PCBP3: variants seen among roughly 807,000 people sequenced by gnomAD.
PCBP3 encodes the protein poly(rC) binding protein 3.
Under a neutral mutation model 52.7 loss-of-function variants are expected in PCBP3, and 25 were observed. The observed-to-expected ratio is 0.47, with a 90% CI of 0.35 to 0.66. PCBP3 has a LOEUF of 0.66. PCBP3 is among the 30% of genes least tolerant of loss of function. The probability of loss-of-function intolerance (pLI) is 0.01; values close to 1 mark genes in which losing one functional copy is unlikely to be tolerated. For missense variants in PCBP3, 391 were observed against 490.3 expected, an observed-to-expected ratio of 0.80 and a Z score of 1.91; for synonymous variants, 162 against 183.0, an observed-to-expected ratio of 0.89 and a Z score of 0.93.
At chr21:45,835,476 G>A (rs113033201) in intron 4 of PCBP3, among the ~76,000 whole-genome samples, 2,875 of 152,310 alleles carry the variant, frequency 0.019, 45 homozygotes, top group Non-Finnish European at 0.029. Flanking sequence ...GGCCGCAGCC[G>A]GCACTGACCT....
chr21:45,656,428 G>C lies in PCBP3; in HGVS notation c.-278-12446G>C, dbSNP rs1250975169. ...AAACACCGCATGTTCTCACTCATAA[G>C]TGGGAGTTGAACAATGAGAACACAT... On this transcript the variant is annotated intron_variant, in intron 1 of 17. Transcript: ENST00000681687. The surrounding 1 kb of genome is among the most constrained non-coding windows in gnomAD (Gnocchi z 4.3). Among the ~76,000 whole-genome samples, 1 of 152,072 alleles carries C rather than the reference G, an allele frequency of 6.6e-6. No homozygotes were observed. Among genetic ancestry groups the C allele is most frequent in the Non-Finnish European group, 1.5e-5 (1 of 68,028 alleles).
At chr21:45,644,262 C>T (rs2079106395) in intron 1 of PCBP3, among the ~76,000 whole-genome samples, 1 of 151,628 alleles carries the variant, frequency 6.6e-6, no homozygotes, top group Non-Finnish European at 1.5e-5. Context: ...GGGAACACCC[C>T]GGAGCGGCCG....
chr21:45,858,851 C>T (rs574596497), intron 5 of PCBP3: 5 of 152,206 alleles, frequency 3.3e-5, no homozygotes, highest in African/African-American at 1.2e-4. Context: ...GTGCTGTTCT[C>T]GTGATAGTGA....
intron 10 of PCBP3, among the ~76,000 whole-genome samples, chr21:45,909,797 C>CCCCCG (rs2096303066): frequency 1.8e-5 from 1 of 56,146 alleles, no homozygotes. Context: ...CGGACCCCCC[C>CCCCCG]CCCACCCACT....
chr21:45,791,568 C>G lies in PCBP3; in HGVS notation c.-126+36116C>G, dbSNP rs1234757963. 6.6e-6 allele frequency among the ~76,000 whole-genome samples: 1 copy of G among 152,152 alleles called. No individual in the cohort carries two copies. The highest frequency in any genetic ancestry group is 2.1e-4 in the South Asian group (1 of 4,832). On this transcript the variant is annotated intron_variant, in intron 4 of 17. Transcript: ENST00000681687. The surrounding 1 kb of genome is among the most constrained non-coding windows in gnomAD (Gnocchi z 4.2). ...TCTGGGCTAGGGAAGGAGAGAAGCT[C>G]GCGAGGGAGGTGTGCAACAGCCGGA...
chr21:45,923,849 A>T (rs7278531), intron 13 of PCBP3, among the ~76,000 whole-genome samples: 1 of 65,446 alleles, frequency 1.5e-5, no homozygotes, highest in African/African-American at 7.0e-5. Flanking sequence ...GGAACAGTCG[A>T]GTGGGTAGAA....
rs80134006 is a variant in PCBP3, at chr21:45,735,124, C to G, written c.-199-268C>G. On this transcript the variant is annotated intron_variant, in intron 2 of 17. Transcript: ENST00000681687. This position sits in a 1 kb window ranked among gnomAD's most constrained non-coding sequence, Gnocchi z 4.0. Reference sequence around the variant, plus strand: ...GTCAGTCAGGCCGAGGACTGTGGGTCAAGGTTCAGGGACCCTGGGGTTCTG... The same window carrying G: ...GTCAGTCAGGCCGAGGACTGTGGGTGAAGGTTCAGGGACCCTGGGGTTCTG... Among the ~76,000 whole-genome samples the G allele has an allele frequency of 2.3e-4, 35 of 152,322 alleles. No individual in the cohort carries two copies. The highest frequency in any genetic ancestry group is 4.7e-4 in the Non-Finnish European group (32 of 68,036).
At chr21:45,935,630 G>C (rs2149558922) in intron 16 of PCBP3, 1 of 444,190 alleles carries the variant, frequency 2.3e-6, no homozygotes, top group South Asian at 1.9e-5. Flanking sequence ...GCCAAACCTT[G>C]AAGAACAAGG....
chr21:45,669,803 GTGTATATATATA>G (rs1163944752), intron 2 of PCBP3, among the ~76,000 whole-genome samples: 47 of 54,398 alleles, frequency 8.6e-4, no homozygotes, highest in East Asian at 3.3e-3. Flanking sequence ...GTGTGTGTGT[GTGTATATATATA>G]TATATATATA....
At chr21:45,940,291 G>A (rs888261597) in intron 17 of PCBP3, 92 bp downstream of exon 17, 17 of 1,106,636 alleles carry the variant, frequency 1.5e-5, no homozygotes, top group East Asian at 2.5e-5. Context: ...GTGGGAGGAG[G>A]CACAGTCTGG....
chr21:45,656,533 C>T lies in PCBP3; in HGVS notation c.-278-12341C>T, dbSNP rs1231017856. ...GGGAGGGATAGCATTAGGAGAACTA[C>T]CTAATGTAGATGACGGGTTGATGGG... On this transcript the variant is annotated intron_variant, in intron 1 of 17. Coordinates refer to ENST00000681687, the MANE Select transcript of PCBP3 (RefSeq NM_001384156.1). The surrounding 1 kb of genome is among the most constrained non-coding windows in gnomAD (Gnocchi z 4.3). Among the ~76,000 whole-genome samples, 1 of 152,052 alleles carries T rather than the reference C, an allele frequency of 6.6e-6. No homozygotes were observed. Among genetic ancestry groups the T allele is most frequent in the Non-Finnish European group, 1.5e-5 (1 of 68,020 alleles).
At chr21:45,865,385 C>T (rs1329083810) in intron 5 of PCBP3, among the ~76,000 whole-genome samples, 6 of 152,194 alleles carry the variant, frequency 3.9e-5, no homozygotes, top group Admixed American at 3.3e-4. Context: ...CAAAGCATGC[C>T]CTGCGCGGCC....
chr21:45,680,077 C>T (rs1407982369), intron 2 of PCBP3, among the ~76,000 whole-genome samples: 1 of 152,172 alleles, frequency 6.6e-6, no homozygotes, highest in Non-Finnish European at 1.5e-5. Flanking sequence ...TTATATCGTT[C>T]CATTGATTGC....
At chr21:45,932,520 C>T (rs1308488747) in intron 15 of PCBP3, among the ~76,000 whole-genome samples, 1 of 150,350 alleles carries the variant, frequency 6.7e-6, no homozygotes, top group Non-Finnish European at 1.5e-5. Flanking sequence ...GATGAACGAA[C>T]ACGTCGGCCA....
rs545130710 is a variant in PCBP3 at position 45,744,253 on chromosome 21, A to G, written c.-162+8824A>G. 3 of 152,138 alleles carry G rather than the reference A, an allele frequency of 2.0e-5. No homozygotes were observed. The East Asian group carries it at 5.8e-4, about 29-fold the overall frequency. 9.4% of individuals were successfully genotyped at this position (152,138 alleles called of 1,614,324 possible). On this transcript the variant is annotated intron_variant, in intron 3 of 17. Coordinates refer to ENST00000681687, the MANE Select transcript of PCBP3 (RefSeq NM_001384156.1). ...TAGAGACAGAGCCACACTCTGTTGG[A>G]TGTTGATCCCAGCTCACCGCAGCCT...
In PCBP3 at chr21:45,833,798, C is replaced by T. The variant is rs549425253; in HGVS notation, c.-125-16163C>T. On this transcript the variant is annotated intron_variant, in intron 4 of 17. Transcript: ENST00000681687. ...TGTGGCCCCATGCAGGGCAGGGTCA[C>T]GGAGGGACCACCTTGCTGGGAGGAG... Among the ~76,000 whole-genome samples the T allele has an allele frequency of 2.4e-4, 36 of 152,256 alleles. No individual in the cohort carries two copies. The South Asian group carries it at 6.4e-3, about 27-fold the overall frequency.
At position 45,791,783 on chromosome 21, in the gene PCBP3, G is replaced by A. The variant is rs1010783224; in HGVS notation, c.-126+36331G>A. ...GACTGCACAGCAAGTGTTAGGTCGT[G>A]GCACAGGGTAATTACAGACAACAGA... On this transcript the variant is annotated intron_variant, in intron 4 of 17. Transcript: ENST00000681687. This position sits in a 1 kb window ranked among gnomAD's most constrained non-coding sequence, Gnocchi z 4.2. Among the ~76,000 whole-genome samples the A allele has an allele frequency of 1.3e-5, 2 of 152,250 alleles. No individual in the cohort carries two copies. Among genetic ancestry groups the A allele is most frequent in the African/African-American group, 4.8e-5 (2 of 41,472 alleles).
At chr21:45,835,959 G>A (rs932407330) in intron 4 of PCBP3, among the ~76,000 whole-genome samples, 3 of 152,290 alleles carry the variant, frequency 2.0e-5, no homozygotes, top group African/African-American at 4.8e-5. Flanking sequence ...CGCAGGCATG[G>A]TAACCTCACC....
chr21:45,890,094 C>T (rs529042335), intron 5 of PCBP3, among the ~76,000 whole-genome samples: 25 of 152,232 alleles, frequency 1.6e-4, no homozygotes, highest in Non-Finnish European at 3.2e-4. Context: ...GACGTGGCCT[C>T]GCAGCTGTCT....
Sources: gnomAD v4.1 joint callset for allele counts (sites outside exome capture counted in the v4.1 genomes callset) on GRCh38, gnomAD v4.1.1 for gene constraint, Gnocchi (gnomAD v3.1) non-coding constraint, MANE v1.5 for transcripts, NCBI Gene and HGNC (gene_info 2026-07-23, HGNC 2026-07-21) for gene names.